Variants in OSBPL8 observed in about 807,000 individuals in gnomAD.
OSBPL8 encodes oxysterol-binding protein-related protein 8.
Under a neutral mutation model 125.5 loss-of-function variants are expected in OSBPL8, and 59 were observed. The ratio of observed to expected loss-of-function variants is 0.47; its 90% CI spans 0.38 to 0.58. The LOEUF (loss-of-function observed/expected upper bound fraction) is 0.58. Ranked by LOEUF, OSBPL8 falls within the 20% of genes least tolerant of loss-of-function variation. OSBPL8 has a pLI of 0.00. For synonymous variants in OSBPL8, 330 were observed against 338.9 expected (o/e 0.97, Z 0.29); for missense variants, 758 against 1,047.8 (o/e 0.72, Z 3.82).
intron 1 of OSBPL8, among the ~76,000 whole-genome samples, chr12:76,534,063 C>G (rs1366568167): frequency 1.3e-5 from 2 of 152,060 alleles, no homozygotes; most frequent in Non-Finnish European, 2.9e-5. Context: ...GGGGAAAATA[C>G]CTGAGTGCTA....
At chr12:76,548,004 GATC>G (rs955247647) in intron 1 of OSBPL8, among the ~76,000 whole-genome samples, 15 of 152,256 alleles carry the variant, frequency 9.9e-5, no homozygotes, top group Admixed American at 5.2e-4. Context: ...ACTGTATCAT[GATC>G]ATCATAATTT....
At chr12:76,460,996 T>C (rs1011232948) in intron 2 of OSBPL8, among the ~76,000 whole-genome samples, 1 of 152,234 alleles carries the variant, frequency 6.6e-6, no homozygotes, top group Non-Finnish European at 1.5e-5. Context: ...TTTACAATAC[T>C]TGAAATGATC....
chr12:76,461,554 G>A (rs1159318219), intron 2 of OSBPL8, among the ~76,000 whole-genome samples: 2 of 151,972 alleles, frequency 1.3e-5, no homozygotes, highest in Non-Finnish European at 2.9e-5. Flanking sequence ...GGGTTCAAGC[G>A]ATTCTTCTGC....
At chr12:76,480,644 T>A (rs1877371305) in intron 2 of OSBPL8, among the ~76,000 whole-genome samples, 1 of 152,184 alleles carries the variant, frequency 6.6e-6, no homozygotes, top group Non-Finnish European at 1.5e-5. Context: ...CATAAGGAGA[T>A]CCCTGCAACT....
At chr12:76,385,930 A>G in intron 14 of OSBPL8, 1 of 463,376 alleles carries the variant, frequency 2.2e-6, no homozygotes, top group South Asian at 5.4e-5. Context: ...CAGGGGGCAT[A>G]GCAAAGGAAA....
intron 1 of OSBPL8, among the ~76,000 whole-genome samples, chr12:76,525,597 A>G (rs1592851429): frequency 6.6e-6 from 1 of 152,284 alleles, no homozygotes. Context: ...ATTGGGGGGA[A>G]AAAACTTAAG....
chr12:76,395,309 C>T (rs1212387375), intron 8 of OSBPL8, among the ~76,000 whole-genome samples: 1 of 152,054 alleles, frequency 6.6e-6, no homozygotes, highest in Non-Finnish European at 1.5e-5. Context: ...ACAATACCAA[C>T]ACTAATTAGT....
chr12:76,451,852 A>G (rs1469912701), intron 3 of OSBPL8, among the ~76,000 whole-genome samples: 1 of 152,168 alleles, frequency 6.6e-6, no homozygotes, highest in Non-Finnish European at 1.5e-5. Flanking sequence ...TTTCATCTTA[A>G]GAAAGGACGA....
chr12:76,542,523 A>C (rs1950675537), intron 1 of OSBPL8, among the ~76,000 whole-genome samples: 1 of 152,152 alleles, frequency 6.6e-6, no homozygotes, highest in South Asian at 2.1e-4. Flanking sequence ...CCCACCCCCA[A>C]AGTGTCTGAT....
At position 76,391,039 on chromosome 12, in the gene OSBPL8, G is replaced by A. The variant is rs371907079; in HGVS notation, c.930-382C>T. ...TTGCATCAATCTCACTGTCACTTAT[G>A]GTATGAAGAAAAAATGCAGGTCCAG... is the stretch of plus-strand genomic sequence containing the variant. On this transcript the variant is annotated intron_variant, in intron 10 of 23. Transcript: ENST00000261183. Among the ~76,000 whole-genome samples the A allele has an allele frequency of 2.4e-3, 366 of 152,008 alleles. 4 individuals are homozygous for A. Among genetic ancestry groups the A allele is most frequent in the Middle Eastern group, 0.014 (4 of 294 alleles).
At chr12:76,493,568 C>A (rs1878962304) in intron 1 of OSBPL8, among the ~76,000 whole-genome samples, 1 of 152,168 alleles carries the variant, frequency 6.6e-6, no homozygotes, top group African/African-American at 2.4e-5. Context: ...TCTAGACCTG[C>A]AAAGTTTCTG....
At chr12:76,433,459 T>G (rs553024542) in intron 4 of OSBPL8, among the ~76,000 whole-genome samples, 1 of 148,958 alleles carries the variant, frequency 6.7e-6, no homozygotes, top group East Asian at 2.0e-4. Flanking sequence ...CCAGTTACAA[T>G]AGCAAAAAAA....
intron 1 of OSBPL8, among the ~76,000 whole-genome samples, chr12:76,533,424 T>G (rs1416043775): frequency 6.6e-6 from 1 of 152,172 alleles, no homozygotes; most frequent in East Asian, 1.9e-4. Flanking sequence ...AATGAAGGAT[T>G]TGCGGTAAAC....
intron 1 of OSBPL8, among the ~76,000 whole-genome samples, chr12:76,515,506 G>A (rs747648713): frequency 9.9e-5 from 15 of 152,258 alleles, no homozygotes; most frequent in Admixed American, 1.3e-4. Context: ...AATCTTGCTC[G>A]GATGGGTGGC....
chr12:76,500,733 CT>C (rs1488779802), intron 1 of OSBPL8, among the ~76,000 whole-genome samples: 2 of 150,808 alleles, frequency 1.3e-5, no homozygotes, highest in African/African-American at 4.9e-5. Flanking sequence ...TCTTTTTTTT[CT>C]TTTTTCTTAT....
chr12:76,466,929 C>T (rs1875513144), intron 2 of OSBPL8, among the ~76,000 whole-genome samples: 1 of 151,426 alleles, frequency 6.6e-6, no homozygotes, highest in Non-Finnish European at 1.5e-5. Flanking sequence ...TGCACCATTG[C>T]ACTCCAGCCT....
intron 6 of OSBPL8, among the ~76,000 whole-genome samples, chr12:76,400,655 C>T (rs1451815639): frequency 6.6e-6 from 1 of 151,130 alleles, no homozygotes; most frequent in African/African-American, 2.4e-5. Flanking sequence ...GTCTAAACCG[C>T]TGTAGAATTC....
At chr12:76,411,578 A>G (rs1954515127) in intron 4 of OSBPL8, among the ~76,000 whole-genome samples, 1 of 151,904 alleles carries the variant, frequency 6.6e-6, no homozygotes, top group Non-Finnish European at 1.5e-5. Flanking sequence ...TTATTAATGT[A>G]ACAGCTAAAA....
At chr12:76,381,141 A>G (rs777110764) in intron 15 of OSBPL8, among the ~76,000 whole-genome samples, 4 of 152,018 alleles carry the variant, frequency 2.6e-5, no homozygotes, top group Non-Finnish European at 5.9e-5. Flanking sequence ...TATTCTCCCT[A>G]TCTGTTGATT....
Sources: gnomAD v4.1 joint callset for allele counts (sites outside exome capture counted in the v4.1 genomes callset) on GRCh38, gnomAD v4.1.1 for gene constraint, MANE v1.5 for transcripts, NCBI Gene and HGNC (gene_info 2026-07-23, HGNC 2026-07-21) for gene names.